Variants in ALG8 observed in about 807,000 individuals in gnomAD.
The protein encoded by ALG8 is dolichyl pyrophosphate Glc1Man9GlcNAc2 alpha-1,3-glucosyltransferase.
A neutral mutation model predicts 70.2 loss-of-function variants in ALG8; 48 were observed. That is an observed-to-expected ratio of 0.68 (90% CI 0.54 to 0.87). ALG8 has a LOEUF of 0.87. ALG8 is among the 40% of genes least tolerant of loss of function. ALG8 has a pLI of 0.00. For synonymous variants in ALG8, 234 were observed against 229.0 expected (o/e 1.02, Z -0.20); for missense variants, 572 against 608.7 (o/e 0.94, Z 0.64).
intron 8 of ALG8, among the ~76,000 whole-genome samples, chr11:78,111,950 T>C (rs1008981927): frequency 2.0e-5 from 3 of 152,146 alleles, no homozygotes; most frequent in Non-Finnish European, 4.4e-5. Context: ...ACAACTTACA[T>C]ATTCTTCTTT....
chr11:78,139,208 G>A (rs1242164725), intron 1 of ALG8: 3 of 463,698 alleles, frequency 6.5e-6, no homozygotes, highest in African/African-American at 2.0e-5. Flanking sequence ...CTGGCTGAAT[G>A]GCTGTTGGAG....
intron 8 of ALG8, among the ~76,000 whole-genome samples, chr11:78,110,071 C>G (rs987953490): frequency 4.6e-5 from 7 of 152,220 alleles, no homozygotes; most frequent in African/African-American, 1.7e-4. Flanking sequence ...ATACCACTCT[C>G]AACACCTGTG....
chr11:78,108,887 T>C (rs1163503680), intron 9 of ALG8, among the ~76,000 whole-genome samples: 2 of 152,176 alleles, frequency 1.3e-5, no homozygotes, highest in African/African-American at 2.4e-5. Flanking sequence ...TACCATGAAA[T>C]TGAGGTCACT....
In ALG8 at chr11:78,114,141, G is replaced by A. The variant is rs556076437; in HGVS notation, c.673+125C>T. On this transcript the variant is annotated intron_variant, in intron 6 of 12. Coordinates refer to ENST00000299626, the MANE Select transcript of ALG8 (RefSeq NM_024079.5). ...CAGAGAAAAGCGAGAATGGGTAAAGGGCTTACAGGATTAGCAGCTGAGATA... is the reference window on the plus strand; with the variant it reads ...CAGAGAAAAGCGAGAATGGGTAAAGAGCTTACAGGATTAGCAGCTGAGATA... 1.4e-4 allele frequency: 200 copies of A among 1,436,056 alleles called. 1 individual carries two copies. The African/African-American group carries it at 2.4e-3, about 17-fold the overall frequency. The allele number at this position is 1,436,056 out of a possible 1,614,324, so 89.0% of individuals were successfully genotyped here.
At chr11:78,130,895 A>G (rs1012869748) in intron 1 of ALG8, among the ~76,000 whole-genome samples, 1 of 152,026 alleles carries the variant, frequency 6.6e-6, no homozygotes, top group Non-Finnish European at 1.5e-5. Flanking sequence ...TATATTTTTG[A>G]AAGATTTACT....
chr11:78,101,339 A>C, intron 12 of ALG8, 144 bp from the exon 13 acceptor site: 9 of 751,780 alleles, frequency 1.2e-5, no homozygotes, highest in Non-Finnish European at 1.8e-5. Flanking sequence ...ATTAAATTTC[A>C]CATTTAGGGC....
chr11:78,121,084 G>GA lies in ALG8; in HGVS notation c.458dup (p.Gly154ArgfsTer70). 6.2e-7 allele frequency: 1 copy of GA among 1,613,624 alleles called. No homozygotes were observed. The highest frequency in any genetic ancestry group is 1.1e-5 in the South Asian group (1 of 91,070). On this transcript the variant is annotated frameshift_variant, in exon 4 of 13. Transcript: ENST00000299626. LOFTEE classifies it high-confidence loss of function. ...GGATACGGTCCACAATTAATAACCC[G>GA]AAGTTCCACAGAAGTAATACCGACA...
chr11:78,115,321 G>A (rs1860507982), intron 5 of ALG8, among the ~76,000 whole-genome samples: 3 of 149,340 alleles, frequency 2.0e-5, no homozygotes, highest in South Asian at 4.2e-4. Flanking sequence ...GGCGTGAACC[G>A]CCATGCTTGG....
At chr11:78,125,894 T>C (rs1861049590) in intron 2 of ALG8, among the ~76,000 whole-genome samples, 1 of 152,190 alleles carries the variant, frequency 6.6e-6, no homozygotes, top group Admixed American at 6.5e-5. Flanking sequence ...GCGCAGTGGC[T>C]CACGCCTGTA....
intron 1 of ALG8, among the ~76,000 whole-genome samples, chr11:78,128,443 C>T (rs1248791877): frequency 6.6e-6 from 1 of 152,170 alleles, no homozygotes; most frequent in African/African-American, 2.4e-5. Context: ...CTCCAGCCAA[C>T]CCTTCTTTCT....
intron 1 of ALG8, chr11:78,137,102 T>A (rs988673332): frequency 2.0e-5 from 3 of 152,200 alleles, no homozygotes; most frequent in African/African-American, 7.2e-5. Context: ...GATTTCTCCA[T>A]GTTGGTCCTC....
intron 3 of ALG8, among the ~76,000 whole-genome samples, chr11:78,123,333 A>AAAAG (rs1476783967): frequency 1.1e-5 from 1 of 94,662 alleles, no homozygotes; most frequent in African/African-American, 6.1e-5. Flanking sequence ...AAAAAAAAAA[A>AAAAG]AAAGAAAAAA....
At chr11:78,127,288 TTAA>T (rs1861122308) in intron 2 of ALG8, 67 bp downstream of exon 2, 2 of 1,404,974 alleles carry the variant, frequency 1.4e-6, no homozygotes, top group African/African-American at 2.9e-5. Context: ...GAAAACATTT[TTAA>T]TATCAGTAAT....
chr11:78,101,355 G>A (rs1321084185), intron 12 of ALG8, among the ~76,000 whole-genome samples, 160 bp from the exon 13 acceptor site: 1 of 152,218 alleles, frequency 6.6e-6, no homozygotes, highest in Non-Finnish European at 1.5e-5. Context: ...AGGGCCAAGT[G>A]CAGAGGCTCA....
At chr11:78,116,479 A>G (rs620416) in intron 5 of ALG8, among the ~76,000 whole-genome samples, 33,164 of 152,068 alleles carry the variant, frequency 0.22, 4,481 homozygotes, top group African/African-American at 0.38. Context: ...CAGCACTTTG[A>G]GAGGCTGAAG....
chr11:78,115,021 T>A (rs542392), intron 5 of ALG8, among the ~76,000 whole-genome samples: 28,848 of 152,110 alleles, frequency 0.19, 3,091 homozygotes, highest in Middle Eastern at 0.29. Context: ...CCTACTTTTT[T>A]AAATTTTTAT....
rs960436312 is a variant in ALG8 at position 78,119,695 on chromosome 11, C to T, written c.479-446G>A. Among the ~76,000 whole-genome samples, 12 of 152,308 alleles carry T rather than the reference C, an allele frequency of 7.9e-5. No individual in the cohort carries two copies. In the South Asian group the frequency reaches 1.7e-3, roughly 21 times the overall value. On this transcript the variant is annotated intron_variant, in intron 4 of 12. Coordinates refer to ENST00000299626, the MANE Select transcript of ALG8 (RefSeq NM_024079.5). The stretch of plus-strand genomic sequence containing the variant: ...TCCCCAACCTTGGCTTCCCAAAGTG[C>T]TGGGATTACAGGCGTCAGCCACTGC...
intron 1 of ALG8, among the ~76,000 whole-genome samples, chr11:78,129,310 C>T (rs1041753498): frequency 6.6e-6 from 1 of 151,622 alleles, no homozygotes; most frequent in East Asian, 1.9e-4. Context: ...GTCCCAGCTA[C>T]TCAGGAGGTT....
At chr11:78,109,935 C>T (rs1860206584) in intron 8 of ALG8, among the ~76,000 whole-genome samples, 1 of 152,066 alleles carries the variant, frequency 6.6e-6, no homozygotes, top group Non-Finnish European at 1.5e-5. Flanking sequence ...ATGGGAGAAA[C>T]CCTCTATTCC....
Sources: gnomAD v4.1 joint callset for allele counts (sites outside exome capture counted in the v4.1 genomes callset) on GRCh38, gnomAD v4.1.1 for gene constraint, MANE v1.5 for transcripts, NCBI Gene and HGNC (gene_info 2026-07-23, HGNC 2026-07-21) for gene names.